The following MACF1 variants were observed in gnomAD, a reference collection of about 807,000 sequenced individuals.
MACF1 encodes microtubule-actin cross-linking factor 1.
MACF1 carries 193 observed loss-of-function variants against 854.8 expected under a neutral mutation model. The observed-to-expected ratio is 0.23, with a 90% CI of 0.20 to 0.25. The LOEUF (loss-of-function observed/expected upper bound fraction) is 0.25. Among genes scored for constraint, MACF1 ranks in the 10% least tolerant of loss-of-function variants. MACF1 has a pLI of 1.00. For synonymous variants in MACF1, 3,185 were observed against 3,226.7 expected, an observed-to-expected ratio of 0.99 and a Z score of 0.44; for missense variants, 7,722 against 8,929.1, an observed-to-expected ratio of 0.86 and a Z score of 5.45.
Position 39,447,374 on chromosome 1 carries a change from T to G in MACF1, c.19606-58T>G. The G allele has an allele frequency of 1.9e-6, 3 of 1,567,512 alleles. No homozygotes were observed. In the South Asian group the frequency reaches 3.4e-5, roughly 18 times the overall value. ...ATTCATGCCTTTGTCGCTGAGCCTA[T>G]AATTCCTGAAATTGGCGCTTTTTCT... On this transcript the variant is annotated intron_variant, in intron 80 of 100. Coordinates refer to ENST00000564288, the MANE Select transcript of MACF1 (RefSeq NM_001394062.1).
Position 39,331,816 on chromosome 1 carries a change from G to A in MACF1, c.5228G>A (p.Gly1743Asp), listed in dbSNP as rs201351991. The A allele has an allele frequency of 6.2e-7, 1 of 1,614,026 alleles. No homozygotes were observed. The highest frequency in any genetic ancestry group is 1.1e-5 in the South Asian group (1 of 91,078). Residue 1743 changes from glycine (G) to aspartate (D), a missense_variant, in exon 37 of 101, where the codon GGC becomes GAC. Physicochemically the swap from Gly to Asp is moderately conservative, Grantham distance 94. This residue lies in a region of MACF1 where 1,531 missense variants were observed against 1,601.6 expected (regional missense o/e 0.96). Transcript: ENST00000564288. ...LAGGMVSLKS[G>D]RKVSIFRAVQ... ...GGGGGGATGGTGAGCTTGAAATCAGGCCGGAAGGTTAGCATTTTCCGTGCA... is the reference window on the plus strand; with the variant it reads ...GGGGGGATGGTGAGCTTGAAATCAGACCGGAAGGTTAGCATTTTCCGTGCA...
intron 1 of MACF1, among the ~76,000 whole-genome samples, chr1:39,216,917 A>T (rs1644583727): frequency 6.6e-6 from 1 of 152,158 alleles, no homozygotes; most frequent in South Asian, 2.1e-4. Context: ...ACTAATAGCT[A>T]AGAAAATGGG....
rs1400559368 is a variant in MACF1, at chr1:39,361,448, C to G, written c.12542C>G (p.Thr4181Ser). ...CGATTCATGGAGACAGCAGACAGTA[C>G]TACAGCAGCAGTGCTGCAGGGCAAA... ...VTRFMETADS[T>S]TAAVLQGKLA... Residue 4181 changes from threonine (T) to serine (S), a missense_variant, in exon 49 of 101, where the codon ACT (threonine) becomes AGT (serine). Around this residue, in one of 15 missense-constraint regions of MACF1, gnomAD observed 2,807 missense variants for 3,235.8 expected, o/e 0.87. Transcript: ENST00000564288. 3 of 1,614,172 alleles carry G rather than the reference C, an allele frequency of 1.9e-6. No homozygotes were observed. The highest frequency in any genetic ancestry group is 1.1e-5 in the South Asian group (1 of 91,080).
rs143522094 is a variant in MACF1 at position 39,354,256 on chromosome 1, G to C, written c.11424+1025G>C. Among the ~76,000 whole-genome samples, 1,004 of 152,142 alleles carry C rather than the reference G, an allele frequency of 6.6e-3. 15 individuals are homozygous for C. The highest frequency in any genetic ancestry group is 0.022 in the African/African-American group (917 of 41,502). On this transcript the variant is annotated intron_variant, in intron 44 of 100. Coordinates refer to ENST00000564288, the MANE Select transcript of MACF1 (RefSeq NM_001394062.1). The stretch of plus-strand genomic sequence containing the variant: ...TTGCTTCTCCATTGCATAAAGTAAC[G>C]GAGGGGGCCCAGCTATTTGTTAATT...
At chr1:39,410,568 A>C (rs1355066959) in intron 58 of MACF1, 2 of 1,613,944 alleles carry the variant, frequency 1.2e-6, no homozygotes, top group Non-Finnish European at 1.7e-6. Flanking sequence ...TATTTGATGC[A>C]CTAAAGCTAA....
intron 2 of MACF1, among the ~76,000 whole-genome samples, chr1:39,154,876 A>G (rs962221024): frequency 2.0e-5 from 3 of 152,022 alleles, no homozygotes; most frequent in African/African-American, 7.3e-5. Flanking sequence ...GCTGTTGGAG[A>G]CAGAAGGGCT....
chr1:39,350,959 G>A lies in MACF1; in HGVS notation c.11140G>A (p.Val3714Met), dbSNP rs1349789025. 3 of 1,614,046 alleles carry A rather than the reference G, an allele frequency of 1.9e-6. No individual in the cohort carries two copies. Among genetic ancestry groups the A allele is most frequent in the South Asian group, 2.2e-5 (2 of 91,084 alleles). Residue 3714 changes from valine (V) to methionine (M), a missense_variant, in exon 43 of 101, where the codon GTG becomes ATG. Val to Met is a conservative substitution (Grantham distance 21, BLOSUM62 1). Around this residue, in one of 15 missense-constraint regions of MACF1, gnomAD observed 2,807 missense variants for 3,235.8 expected, o/e 0.87. Coordinates refer to ENST00000564288, the MANE Select transcript of MACF1 (RefSeq NM_001394062.1). ...QYEALQEETR[V>M]AQKELEEAVT... Reference sequence around the variant, plus strand: ...TGAGGCGCTCCAGGAAGAGACACGTGTGGCCCAGAAGGAACTGGAGGAAGC... The same window carrying A: ...TGAGGCGCTCCAGGAAGAGACACGTATGGCCCAGAAGGAACTGGAGGAAGC...
At chr1:39,404,149 G>GTAAA (rs60859213) in intron 58 of MACF1, among the ~76,000 whole-genome samples, 14,100 of 148,428 alleles carry the variant, frequency 0.095, 755 homozygotes, top group Non-Finnish European at 0.11. Context: ...AAATAAGTAA[G>GTAAA]TAAATAAATA....
chr1:39,346,886 G>T, intron 40 of MACF1, 91 bp from the exon 41 acceptor site: 1 of 809,348 alleles, frequency 1.2e-6, no homozygotes, highest in Non-Finnish European at 2.0e-6. Flanking sequence ...CAGGAAATTA[G>T]CCTCTCTGAT....
intron 16 of MACF1, 151 bp downstream of exon 16, chr1:39,292,189 C>T (rs1309921577): frequency 3.5e-6 from 3 of 860,936 alleles, no homozygotes; most frequent in South Asian, 2.0e-5. Flanking sequence ...TCCCTTTTCA[C>T]ATGAAGTGTA....
intron 97 of MACF1, among the ~76,000 whole-genome samples, chr1:39,477,090 T>TACACAC (rs10563248): frequency 2.3e-3 from 60 of 26,278 alleles, no homozygotes; most frequent in African/African-American, 5.6e-3. Context: ...TATATATATA[T>TACACAC]ACACACACAC....
At chr1:39,459,537 T>C (rs1476499212) in intron 91 of MACF1, among the ~76,000 whole-genome samples, 1 of 152,224 alleles carries the variant, frequency 6.6e-6, no homozygotes, top group Non-Finnish European at 1.5e-5. Flanking sequence ...AGCATCTTGC[T>C]GTGGTTGGGA....
At chr1:39,216,898 G>C (rs1644583606) in intron 1 of MACF1, among the ~76,000 whole-genome samples, 1 of 152,054 alleles carries the variant, frequency 6.6e-6, no homozygotes, top group Non-Finnish European at 1.5e-5. Flanking sequence ...TCCCCTAAAG[G>C]CACTGTAGAC....
intron 2 of MACF1, among the ~76,000 whole-genome samples, chr1:39,159,256 T>G (rs769044528): frequency 2.0e-5 from 3 of 152,220 alleles, no homozygotes; most frequent in Non-Finnish European, 4.4e-5. Flanking sequence ...AACGGACAAG[T>G]AAGAAATGTC....
At chr1:39,224,719 T>C (rs1644692913) in intron 1 of MACF1, among the ~76,000 whole-genome samples, 1 of 152,120 alleles carries the variant, frequency 6.6e-6, no homozygotes, top group African/African-American at 2.4e-5. Context: ...TTAAGTTTCC[T>C]ATGGAGAAGA....
At chr1:39,318,944 G>A (rs1646462429) in intron 30 of MACF1, among the ~76,000 whole-genome samples, 1 of 151,332 alleles carries the variant, frequency 6.6e-6, no homozygotes, top group South Asian at 2.1e-4. Flanking sequence ...AGGGAAAATT[G>A]TAAGTAGAAG....
Position 39,334,431 on chromosome 1 carries a change from A to G in MACF1, c.7843A>G (p.Met2615Val). The stretch of plus-strand genomic sequence containing the variant: ...TGAAGCAGTATTGTCTCCAGGAATG[A>G]TGCATGGCATTGTAGATCCCGAGAA... ...TNEAVLSPGMMHGIVDPENCR... is the reference protein window; with the variant it reads ...TNEAVLSPGMVHGIVDPENCR... The change falls in exon 37 of 101, where the codon ATG becomes GTG. Residue 2615 changes from methionine to valine, a missense_variant. Physicochemically the swap from Met to Val is conservative, Grantham distance 21. Around this residue, in one of 15 missense-constraint regions of MACF1, gnomAD observed 1,531 missense variants for 1,601.6 expected, o/e 0.96. Transcript: ENST00000564288. 1 of 1,614,094 alleles carries G rather than the reference A, an allele frequency of 6.2e-7. No homozygotes were observed. The highest frequency in any genetic ancestry group is 8.5e-7 in the Non-Finnish European group (1 of 1,179,964).
chr1:39,323,686 TTC>T (rs1319969729), intron 33 of MACF1, among the ~76,000 whole-genome samples: 1 of 152,134 alleles, frequency 6.6e-6, no homozygotes, highest in Non-Finnish European at 1.5e-5. Flanking sequence ...TGTAAAAATC[TTC>T]TGTCTTTGTA....
chr1:39,299,145 C>A (rs571577820), intron 21 of MACF1: 17 of 445,428 alleles, frequency 3.8e-5, no homozygotes, highest in Admixed American at 1.7e-4. Flanking sequence ...AATGGGTAGA[C>A]CAGCTCTCAA....
Sources: gnomAD v4.1 joint callset for allele counts (sites outside exome capture counted in the v4.1 genomes callset) on GRCh38, gnomAD v4.1.1 for gene constraint, gnomAD v4.1.1 regional missense constraint, MANE v1.5 for transcripts, NCBI Gene and HGNC (gene_info 2026-07-23, HGNC 2026-07-21) for gene names.